Variants in LRRC3C observed in about 807,000 individuals in gnomAD.
LRRC3C encodes leucine rich repeat containing 3C.
LRRC3C carries 11 observed loss-of-function variants against 14.8 expected under a neutral mutation model. The observed-to-expected ratio is 0.74, with a 90% CI of 0.47 to 1.23. The LOEUF (loss-of-function observed/expected upper bound fraction) is 1.23. Ranked by LOEUF, LRRC3C falls within the 50% of genes most tolerant of loss-of-function variation. LRRC3C has a pLI of 0.00. For synonymous variants in LRRC3C, 149 were observed against 161.5 expected (o/e 0.92, Z 0.59); for missense variants, 354 against 361.8 (o/e 0.98, Z 0.18).
In LRRC3C at chr17:39,944,498, C is replaced by T; in HGVS notation, c.592C>T (p.Gln198Ter). Residue 198 changes from glutamine (Q) to a stop codon, truncating the protein, a stop_gained, in exon 4 of 4, where the codon CAG becomes TAG. Coordinates refer to ENST00000377924, the MANE Select transcript of LRRC3C (RefSeq NM_001195545.2). LOFTEE classifies it high-confidence loss of function. ...GSGARPDLVG[Q>*]EFLLLAGEEE... ...AGGAGCCCGACCGGACCTCGTGGGGCAGGAGTTCCTGCTGCTGGCAGGGGA... is the reference window on the plus strand; with the variant it reads ...AGGAGCCCGACCGGACCTCGTGGGGTAGGAGTTCCTGCTGCTGGCAGGGGA... The T allele has an allele frequency of 1.3e-6, 2 of 1,489,876 alleles. No individual in the cohort carries two copies. Among genetic ancestry groups the T allele is most frequent in the Non-Finnish European group, 1.8e-6 (2 of 1,121,792 alleles). 92.3% of individuals were successfully genotyped at this position (1,489,876 alleles called of 1,614,324 possible).
chr17:39,930,048 G>T (rs1465153301), intron 1 of LRRC3C, among the ~76,000 whole-genome samples: 2 of 152,064 alleles, frequency 1.3e-5, no homozygotes, highest in African/African-American at 4.8e-5. Context: ...CCAGCACTTT[G>T]AGAGGCCAAG....
Position 39,944,284 on chromosome 17 carries a change from G to A in LRRC3C, c.378G>A (p.Leu126=). The part of the protein sequence containing the change: ...AHLSGAAFQG[L]EGTLRHLDLS... ...TCTCAGGGGCGGCTTTCCAGGGCCTGGAGGGCACATTGCGCCACCTCGACC... is the reference window on the plus strand; with the variant it reads ...TCTCAGGGGCGGCTTTCCAGGGCCTAGAGGGCACATTGCGCCACCTCGACC... Residue 126 remains leucine (L), a synonymous_variant, in exon 4 of 4, where the codon CTG becomes CTA. Coordinates refer to ENST00000377924, the MANE Select transcript of LRRC3C (RefSeq NM_001195545.2). The A allele has an allele frequency of 6.5e-7, 1 of 1,535,282 alleles. No individual in the cohort carries two copies. The highest frequency in any genetic ancestry group is 8.7e-7 in the Non-Finnish European group (1 of 1,146,588).
chr17:39,943,871 T>C (rs750689280), intron 3 of LRRC3C, 62 bp from the exon 4 acceptor site: 359 of 1,495,294 alleles, frequency 2.4e-4, no homozygotes, highest in Non-Finnish European at 3.2e-4. Context: ...AGGAGAAAGC[T>C]GGCAGTGGGG....
At chr17:39,931,445 C>CAAAA (rs58318948) in intron 1 of LRRC3C, among the ~76,000 whole-genome samples, 3 of 74,864 alleles carry the variant, frequency 4.0e-5, no homozygotes, top group African/African-American at 5.2e-5. Context: ...GACTTCGTCT[C>CAAAA]AAAAAAAAAA....
At position 39,944,683 on chromosome 17, in the gene LRRC3C, A is replaced by C; in HGVS notation, c.777A>C (p.Pro259=). 1 of 1,535,560 alleles carries C rather than the reference A, an allele frequency of 6.5e-7. No homozygotes were observed. Among genetic ancestry groups the C allele is most frequent in the East Asian group, 2.4e-5 (1 of 40,884 alleles). ...DETRRSLKRA[P]VLPVRSEDSS... is the part of the protein sequence containing the mutation. ...CCAGGCGCTCCCTCAAGCGGGCCCC[A>C]GTGCTGCCCGTGCGTTCCGAGGACT... is the stretch of plus-strand genomic sequence containing the variant. Residue 259 remains proline (P), a synonymous_variant, in exon 4 of 4, where the codon CCA becomes CCC. Coordinates refer to ENST00000377924, the MANE Select transcript of LRRC3C (RefSeq NM_001195545.2).
intron 1 of LRRC3C, 139 bp from the exon 2 acceptor site, chr17:39,935,663 A>G (rs746717606): frequency 8.6e-5 from 22 of 257,166 alleles, no homozygotes; most frequent in Non-Finnish European, 1.3e-4. Context: ...AAACAAAAGA[A>G]AAAAACAACT....
intron 2 of LRRC3C, among the ~76,000 whole-genome samples, chr17:39,941,205 C>T (rs1978928289): frequency 6.6e-6 from 1 of 151,858 alleles, no homozygotes; most frequent in Non-Finnish European, 1.5e-5. Flanking sequence ...CAAAAATTAG[C>T]CGGGTTTGGT....
intron 1 of LRRC3C, among the ~76,000 whole-genome samples, chr17:39,930,492 G>A (rs1978619800): frequency 6.7e-6 from 1 of 148,392 alleles, no homozygotes; most frequent in Admixed American, 6.8e-5. Flanking sequence ...CGGATCACCT[G>A]AGGTCAGGAG....
chr17:39,941,418 C>T, intron 2 of LRRC3C, 25 bp from the exon 3 acceptor site: 1 of 766,126 alleles, frequency 1.3e-6, no homozygotes, highest in Non-Finnish European at 2.1e-6. Flanking sequence ...CCCCCACACA[C>T]ACCCCATTTT....
rs913254652 is a variant in LRRC3C at position 39,944,202 on chromosome 17, T to C, written c.296T>C (p.Phe99Ser). The change falls in exon 4 of 4, where the codon TTC becomes TCC. Residue 99 changes from phenylalanine to serine, a missense_variant. Phe to Ser is a radical substitution (Grantham distance 155). Coordinates refer to ENST00000377924, the MANE Select transcript of LRRC3C (RefSeq NM_001195545.2). Reference sequence around the variant, plus strand: ...CTGGCATCGGTGCCTGCTGGTGCCTTCCAGCACCTGCCTGTCCTGGAGGAG... The same window carrying C: ...CTGGCATCGGTGCCTGCTGGTGCCTCCCAGCACCTGCCTGTCCTGGAGGAG... ...NQLASVPAGA[F>S]QHLPVLEELD... is the part of the protein sequence containing the mutation. 3.3e-6 allele frequency: 5 copies of C among 1,536,078 alleles called. No individual in the cohort carries two copies. The highest frequency in any genetic ancestry group is 1.4e-5 in the African/African-American group (1 of 73,146).
intron 2 of LRRC3C, among the ~76,000 whole-genome samples, chr17:39,937,171 C>T (rs963226366): frequency 2.6e-5 from 4 of 151,818 alleles, no homozygotes; most frequent in African/African-American, 9.7e-5. Flanking sequence ...CGCAGTGGCT[C>T]ACGCCTGTAA....
chr17:39,934,111 T>C (rs1568117272), intron 1 of LRRC3C, among the ~76,000 whole-genome samples: 1 of 152,182 alleles, frequency 6.6e-6, no homozygotes, highest in South Asian at 2.1e-4. Context: ...AGTCCTGTAG[T>C]TGGCTATTTT....
At chr17:39,928,423 A>G (rs1174785347) in intron 1 of LRRC3C, among the ~76,000 whole-genome samples, 1 of 152,180 alleles carries the variant, frequency 6.6e-6, no homozygotes, top group Non-Finnish European at 1.5e-5. Flanking sequence ...ACTTGTCTTA[A>G]TCTCCAATTC....
At chr17:39,936,338 G>A (rs368783116) in intron 2 of LRRC3C, among the ~76,000 whole-genome samples, 2 of 152,320 alleles carry the variant, frequency 1.3e-5, no homozygotes, top group South Asian at 2.1e-4. Context: ...CACTTCACAG[G>A]CCAAGACAGA....
At chr17:39,943,793 C>G (rs1978997684) in intron 3 of LRRC3C, 140 bp from the exon 4 acceptor site, 5 of 736,760 alleles carry the variant, frequency 6.8e-6, no homozygotes, top group Non-Finnish European at 8.7e-6. Context: ...GAAAAAGTCA[C>G]CCAGGCTTGA....
At chr17:39,939,925 C>T (rs1978894152) in intron 2 of LRRC3C, among the ~76,000 whole-genome samples, 1 of 152,176 alleles carries the variant, frequency 6.6e-6, no homozygotes, top group African/African-American at 2.4e-5. Context: ...AGGAAATAAC[C>T]CTCCATCAAC....
At chr17:39,932,528 C>CG (rs2046011686) in intron 1 of LRRC3C, among the ~76,000 whole-genome samples, 1 of 56,640 alleles carries the variant, frequency 1.8e-5, no homozygotes, top group Non-Finnish European at 3.4e-5. Flanking sequence ...CGTAATGAGA[C>CG]CCCCCCCCCA....
At chr17:39,939,356 A>G in intron 2 of LRRC3C, 3 of 985,426 alleles carry the variant, frequency 3.0e-6, no homozygotes, top group African/African-American at 1.7e-5. Flanking sequence ...ACAAACATCA[A>G]TTAATGCAGG....
chr17:39,937,072 G>T (rs969752164), intron 2 of LRRC3C, among the ~76,000 whole-genome samples: 1 of 151,836 alleles, frequency 6.6e-6, no homozygotes, highest in Non-Finnish European at 1.5e-5. Flanking sequence ...AGGAGGCAGA[G>T]ATTGCAGTGA....
Sources: gnomAD v4.1 joint callset for allele counts (sites outside exome capture counted in the v4.1 genomes callset) on GRCh38, gnomAD v4.1.1 for gene constraint, MANE v1.5 for transcripts, NCBI Gene and HGNC (gene_info 2026-07-23, HGNC 2026-07-21) for gene names.